Variants in PCNT observed in about 807,000 individuals in gnomAD.
The protein encoded by PCNT is kendrin.
Under a neutral mutation model 380.4 loss-of-function variants are expected in PCNT, and 319 were observed. The ratio of observed to expected loss-of-function variants is 0.84; its 90% CI spans 0.77 to 0.92. The LOEUF (loss-of-function observed/expected upper bound fraction) is 0.92. PCNT is among the 40% of genes least tolerant of loss of function. PCNT has a pLI of 0.00. For synonymous variants in PCNT, 1,845 were observed against 1,735.2 expected, an observed-to-expected ratio of 1.06 and a Z score of -1.57; for missense variants, 4,400 against 4,255.3, an observed-to-expected ratio of 1.03 and a Z score of -0.95.
intron 40 of PCNT, among the ~76,000 whole-genome samples, chr21:46,437,603 G>A (rs1248593917): frequency 6.6e-6 from 1 of 152,242 alleles, no homozygotes; most frequent in African/African-American, 2.4e-5. Flanking sequence ...TGCCTCTGAA[G>A]GAGGTGGGAA....
At chr21:46,337,934 T>A (rs1477937005) in intron 3 of PCNT, among the ~76,000 whole-genome samples, 3 of 151,290 alleles carry the variant, frequency 2.0e-5, no homozygotes, top group Admixed American at 6.6e-5. Flanking sequence ...AGTGCAGCGG[T>A]ACAATCTTGG....
chr21:46,425,436 G>A lies in PCNT; in HGVS notation c.7180-395G>A, dbSNP rs1252782897. ...GTGGCCTTCTCGTAGCGTCCCAGGTGGGCAGGGAGTGTGTGATATGTTTGT... is the reference window on the plus strand; with the variant it reads ...GTGGCCTTCTCGTAGCGTCCCAGGTAGGCAGGGAGTGTGTGATATGTTTGT... On this transcript the variant is annotated intron_variant, in intron 32 of 46. Transcript: ENST00000359568. The surrounding 1 kb of genome is among the most constrained non-coding windows in gnomAD (Gnocchi z 4.2). Among the ~76,000 whole-genome samples, 1 of 152,234 alleles carries A rather than the reference G, an allele frequency of 6.6e-6. No homozygotes were observed. The highest frequency in any genetic ancestry group is 1.5e-5 in the Non-Finnish European group (1 of 68,046).
chr21:46,371,975 TACACACATGCAGCACATGC>T (rs1472258834), intron 15 of PCNT, among the ~76,000 whole-genome samples: 1 of 134,952 alleles, frequency 7.4e-6, no homozygotes, highest in East Asian at 2.3e-4. Flanking sequence ...ACATAGCACA[TACACACATGCAGCACATGC>T]ACACACACAC....
intron 32 of PCNT, among the ~76,000 whole-genome samples, chr21:46,424,369 G>A (rs1156308531): frequency 6.6e-6 from 1 of 152,184 alleles, no homozygotes; most frequent in Non-Finnish European, 1.5e-5. Flanking sequence ...TCCTGAGTGT[G>A]GAGATGGCAG....
intron 31 of PCNT, 100 bp downstream of exon 31, chr21:46,418,406 G>GC: frequency 3.8e-6 from 3 of 786,070 alleles, no homozygotes; most frequent in Non-Finnish European, 2.2e-6. Flanking sequence ...TTCTGCGTCT[G>GC]CCCCCCGCTG....
chr21:46,406,057 A>C (rs1022170318), intron 27 of PCNT, among the ~76,000 whole-genome samples: 2 of 152,220 alleles, frequency 1.3e-5, no homozygotes, highest in Non-Finnish European at 2.9e-5. Context: ...CAGTTATTTC[A>C]AGGAAACCAC....
chr21:46,400,487 G>T lies in PCNT; in HGVS notation c.4791+691G>T, dbSNP rs570013920. Reference sequence around the variant, plus strand: ...TGGCCTCAGACACAGATGAGAGGAGGAGTCTTTCTCAGGTGTGTCTGATTC... The same window carrying T: ...TGGCCTCAGACACAGATGAGAGGAGTAGTCTTTCTCAGGTGTGTCTGATTC... On this transcript the variant is annotated intron_variant, in intron 25 of 46. Transcript: ENST00000359568. Among the ~76,000 whole-genome samples, 12 of 149,012 alleles carry T rather than the reference G, an allele frequency of 8.1e-5. No individual in the cohort carries two copies. The South Asian group carries it at 2.6e-3, about 33-fold the overall frequency.
intron 15 of PCNT, among the ~76,000 whole-genome samples, chr21:46,373,152 C>G (rs1425187114): frequency 6.6e-6 from 1 of 152,130 alleles, no homozygotes; most frequent in Non-Finnish European, 1.5e-5. Flanking sequence ...TCTTGAGTAG[C>G]TGGGACTACA....
At chr21:46,398,820 CTTTTT>C (rs11331073) in intron 24 of PCNT, among the ~76,000 whole-genome samples, 1 of 114,558 alleles carries the variant, frequency 8.7e-6, no homozygotes, top group Non-Finnish European at 1.8e-5. Context: ...TTTTCTTTTT[CTTTTT>C]TTTTTTTTTT....
At position 46,416,133 on chromosome 21, in the gene PCNT, A is replaced by T. The variant is rs1195280090; in HGVS notation, c.6215A>T (p.Gln2072Leu). 2 of 1,614,212 alleles carry T rather than the reference A, an allele frequency of 1.2e-6. No homozygotes were observed. Among genetic ancestry groups the T allele is most frequent in the African/African-American group, 2.7e-5 (2 of 75,050 alleles). ...GTCGATCTCGTAGCTCAGGTGAAAC[A>T]GCTTCAGGAAAAACTGAACCGTTTG... ...PKVDLVAQVKQLQEKLNRLLY... is the reference protein window; with the variant it reads ...PKVDLVAQVKLLQEKLNRLLY... Residue 2072 changes from glutamine (Q) to leucine (L), a missense_variant, in exon 30 of 47, where the codon CAG (glutamine) becomes CTG (leucine). By Grantham distance (113) the Gln-to-Leu change is moderately radical. Coordinates refer to ENST00000359568, the MANE Select transcript of PCNT (RefSeq NM_006031.6).
Position 46,346,860 on chromosome 21 carries a change from CTGCGGGAGA to C in PCNT, c.842_850del (p.Arg281_Met283del), listed in dbSNP as rs1374286596. The stretch of plus-strand genomic sequence containing the variant: ...GGAGAAGGAGACGGCATTGACGGAG[CTGCGGGAGA>C]TGCTCAACAGCCGGCGTGCCCAGGA... On this transcript the variant is annotated inframe_deletion, in exon 5 of 47. Coordinates refer to ENST00000359568, the MANE Select transcript of PCNT (RefSeq NM_006031.6). 1 of 1,608,566 alleles carries C rather than the reference CTGCGGGAGA, an allele frequency of 6.2e-7. No individual in the cohort carries two copies. Among genetic ancestry groups the C allele is most frequent in the East Asian group, 2.2e-5 (1 of 44,642 alleles).
intron 33 of PCNT, among the ~76,000 whole-genome samples, chr21:46,427,123 G>T (rs962901606): frequency 3.3e-5 from 5 of 152,206 alleles, no homozygotes; most frequent in Admixed American, 6.5e-5. Context: ...AGGCACAGCA[G>T]CAGGAAAAGA....
Position 46,397,344 on chromosome 21 carries a change from G to T in PCNT, c.4296G>T (p.Leu1432=), listed in dbSNP as rs1380015535. The change falls in exon 22 of 47, where the codon CTG becomes CTT. Residue 1432 remains leucine, a synonymous_variant. Coordinates refer to ENST00000359568, the MANE Select transcript of PCNT (RefSeq NM_006031.6). ...RKQAEKDRSA[L]LSQMKILESE... The stretch of plus-strand genomic sequence containing the variant: ...AGGCTGAGAAGGACCGCTCAGCCCT[G>T]CTCTCCCAGATGAAGATTTTGGAGT... 6.2e-7 allele frequency: 1 copy of T among 1,614,132 alleles called. No homozygotes were observed. The highest frequency in any genetic ancestry group is 2.2e-5 in the East Asian group (1 of 44,868).
At chr21:46,426,157 C>A (rs923584496) in intron 33 of PCNT, among the ~76,000 whole-genome samples, 186 bp downstream of exon 33, 7 of 145,902 alleles carry the variant, frequency 4.8e-5, no homozygotes, top group Non-Finnish European at 1.0e-4. Flanking sequence ...CCTCAGCCTC[C>A]CGAGTAGCTG....
intron 31 of PCNT, among the ~76,000 whole-genome samples, 173 bp from the exon 32 acceptor site, chr21:46,421,797 A>C (rs1450001144): frequency 6.6e-6 from 1 of 152,186 alleles, no homozygotes; most frequent in Non-Finnish European, 1.5e-5. Context: ...CACCAGGGTT[A>C]TGTTTTTATG....
chr21:46,358,367 A>G (rs2084556056), intron 13 of PCNT, among the ~76,000 whole-genome samples: 1 of 152,230 alleles, frequency 6.6e-6, no homozygotes, highest in Non-Finnish European at 1.5e-5. Flanking sequence ...TTCATTCTCC[A>G]TCAAGAGACA....
chr21:46,424,720 C>CT (rs1361436921), intron 32 of PCNT, among the ~76,000 whole-genome samples: 19 of 146,644 alleles, frequency 1.3e-4, no homozygotes, highest in African/African-American at 4.6e-4. Flanking sequence ...CTGCGCCCCC[C>CT]CCAACCCTGC....
At chr21:46,358,749 C>G (rs1054065089) in intron 13 of PCNT, among the ~76,000 whole-genome samples, 1 of 152,022 alleles carries the variant, frequency 6.6e-6, no homozygotes, top group African/African-American at 2.4e-5. Context: ...CTCAGCCTCC[C>G]TAGTAGCTGG....
chr21:46,348,976 A>G (rs1328477684), intron 6 of PCNT, 36 bp from the exon 7 acceptor site: 19 of 1,334,980 alleles, frequency 1.4e-5, no homozygotes, highest in Non-Finnish European at 2.0e-5. Context: ...ACAGATAATC[A>G]ACTATTGAGT....
Sources: gnomAD v4.1 joint callset for allele counts (sites outside exome capture counted in the v4.1 genomes callset) on GRCh38, gnomAD v4.1.1 for gene constraint, Gnocchi (gnomAD v3.1) non-coding constraint, MANE v1.5 for transcripts, NCBI Gene and HGNC (gene_info 2026-07-23, HGNC 2026-07-21) for gene names.